SHCBP1: variants seen among roughly 807,000 people sequenced by gnomAD.
The protein encoded by SHCBP1 is SHC binding and spindle associated 1, also known as SHC SH2 domain-binding protein 1.
Under a neutral mutation model 75.1 loss-of-function variants are expected in SHCBP1, and 60 were observed. The observed-to-expected ratio is 0.80, with a 90% CI of 0.65 to 0.99. SHCBP1 has a LOEUF of 0.99. SHCBP1 is among the 50% of genes least tolerant of loss of function. The pLI, the probability that SHCBP1 is intolerant of heterozygous loss-of-function variation, is 0.00. For synonymous variants in SHCBP1, 290 were observed against 293.2 expected (o/e 0.99, Z 0.11); for missense variants, 709 against 809.4 (o/e 0.88, Z 1.50).
rs761730635 is a variant in SHCBP1 at position 46,599,947 on chromosome 16, T to C, written c.1229A>G (p.Asp410Gly). ...GCCCCTCTTTTCTATCACAATGTCATCTGGTAGGCCATATCCTAAGGAAGA... is the reference window on the plus strand; with the variant it reads ...GCCCCTCTTTTCTATCACAATGTCACCTGGTAGGCCATATCCTAAGGAAGA... ...SIELEGYGLP[D>G]DIVIEKRGKG... Residue 410 changes from aspartate to glycine, a missense_variant, in exon 9 of 13, where the codon GAT (aspartate) becomes GGT (glycine). Physicochemically the swap from Asp to Gly is moderately conservative, Grantham distance 94. Transcript: ENST00000303383. The C allele has an allele frequency of 1.2e-6, 2 of 1,613,486 alleles. No homozygotes were observed. The highest frequency in any genetic ancestry group is 1.7e-6 in the Non-Finnish European group (2 of 1,179,788).
rs770532110 is a variant in SHCBP1, at chr16:46,615,948, G to C, written c.594C>G (p.Val198=). Residue 198 remains valine (V), a splice_region_variant and synonymous_variant, in exon 4 of 13, where the codon GTC becomes GTG. Transcript: ENST00000303383. ...TTTTTCTCAACTTCTTTTCCTACCT[G>C]ACATGCTCAATTGCAAGGGCTGTCT... ...FDQTALAIEH[V]RFFYQNIWRS... is the part of the protein sequence containing the mutation. 1 of 1,613,902 alleles carries C rather than the reference G, an allele frequency of 6.2e-7. No homozygotes were observed. The highest frequency in any genetic ancestry group is 1.1e-5 in the South Asian group (1 of 91,076).
chr16:46,583,417 A>AC, intron 12 of SHCBP1, 99 bp downstream of exon 12: 1 of 1,299,602 alleles, frequency 7.7e-7, no homozygotes, highest in African/African-American at 1.5e-5. Flanking sequence ...TATCCCAACA[A>AC]CCTTTTTTAA....
chr16:46,593,464 C>T (rs1010085269), intron 10 of SHCBP1, among the ~76,000 whole-genome samples: 3 of 152,030 alleles, frequency 2.0e-5, no homozygotes, highest in East Asian at 1.9e-4. Context: ...GGTGTGGGGG[C>T]TCATGTTTAT....
chr16:46,590,188 A>C (rs946352360), intron 10 of SHCBP1, among the ~76,000 whole-genome samples: 2 of 152,252 alleles, frequency 1.3e-5, no homozygotes, highest in Non-Finnish European at 2.9e-5. Context: ...TAAAGACTTA[A>C]ATGTTAGACC....
Position 46,599,879 on chromosome 16 carries a change from T to G in SHCBP1, c.1297A>C (p.Ile433Leu). The part of the protein sequence containing the change: ...FVDCTGADIK[I>L]SGIKFVQHDA... The stretch of plus-strand genomic sequence containing the variant: ...TGCTGAACAAATTTTATGCCTGAGA[T>G]TTTAATATCAGCACCAGTGCAGTCC... The change falls in exon 9 of 13, where the codon ATC (isoleucine) becomes CTC (leucine). Residue 433 changes from isoleucine (I) to leucine (L), a missense_variant. By Grantham distance (5) the Ile-to-Leu change is conservative. Transcript: ENST00000303383. The G allele has an allele frequency of 6.2e-7, 1 of 1,612,244 alleles. No homozygotes were observed.
intron 11 of SHCBP1, 63 bp downstream of exon 11, chr16:46,583,940 A>C: frequency 1.5e-6 from 2 of 1,378,936 alleles, no homozygotes; most frequent in Non-Finnish European, 2.0e-6. Context: ...AATTTAATAA[A>C]GCATAATTTG....
rs188265846 is a variant in SHCBP1 at position 46,611,437 on chromosome 16, G to A, written c.597-3048C>T. Reference sequence around the variant, plus strand: ...GCAGGAGGTGCTCCTTATAATTTCCGCTTTGCAAACATTTATTCCTTGATT... The same window carrying A: ...GCAGGAGGTGCTCCTTATAATTTCCACTTTGCAAACATTTATTCCTTGATT... On this transcript the variant is annotated intron_variant, in intron 4 of 12. Transcript: ENST00000303383. 3.7e-3 allele frequency among the ~76,000 whole-genome samples: 559 copies of A among 152,234 alleles called. 7 individuals are homozygous for A. Among genetic ancestry groups the A allele is most frequent in the Admixed American group, 0.032 (484 of 15,282 alleles).
In SHCBP1 at chr16:46,618,262, G is replaced by A; in HGVS notation, c.214C>T (p.Gln72Ter). 1.9e-6 allele frequency: 3 copies of A among 1,613,156 alleles called. No individual in the cohort carries two copies. Among genetic ancestry groups the A allele is most frequent in the Non-Finnish European group, 2.5e-6 (3 of 1,179,724 alleles). Residue 72 changes from glutamine (Q) to a stop codon, truncating the protein, a stop_gained, in exon 2 of 13, where the codon CAA (glutamine) becomes TAA (stop). Transcript: ENST00000303383. LOFTEE classifies it high-confidence loss of function. ...EGKTFFPEIF[Q>*]TNQLLFYERF... ...TCATAGAACAAAAGTTGATTTGTTT[G>A]GAAAATTTCTGGGAAAAAGGTTTTT...
At chr16:46,607,418 C>T (rs920592094) in intron 5 of SHCBP1, among the ~76,000 whole-genome samples, 1 of 152,056 alleles carries the variant, frequency 6.6e-6, no homozygotes, top group African/African-American at 2.4e-5. Flanking sequence ...GTCACCATGC[C>T]GGGCCTCACA....
intron 10 of SHCBP1, chr16:46,584,381 A>G (rs1234079070): frequency 4.4e-6 from 1 of 226,258 alleles, no homozygotes; most frequent in Admixed American, 5.7e-5. Flanking sequence ...CATTCTAGAT[A>G]AATGTTTTCT....
Position 46,583,579 on chromosome 16 carries a change from C to T in SHCBP1, c.1630G>A (p.Val544Ile). 1.2e-6 allele frequency: 2 copies of T among 1,611,730 alleles called. No homozygotes were observed. Among genetic ancestry groups the T allele is most frequent in the South Asian group, 2.2e-5 (2 of 90,220 alleles). ...AAGATTGTAGGTTTCACCAAGACAA[C>T]ACCATAACCTTCATTATTATGTATT... is the stretch of plus-strand genomic sequence containing the variant. ...NIIHNNEGYG[V>I]VLVKPTIFSD... is the part of the protein sequence containing the mutation. Residue 544 changes from valine (V) to isoleucine (I), a missense_variant, in exon 12 of 13, where the codon GTT becomes ATT. Coordinates refer to ENST00000303383, the MANE Select transcript of SHCBP1 (RefSeq NM_024745.5).
chr16:46,607,211 T>C (rs1965339405), intron 5 of SHCBP1, among the ~76,000 whole-genome samples: 1 of 152,036 alleles, frequency 6.6e-6, no homozygotes, highest in Non-Finnish European at 1.5e-5. Context: ...AAAAATTAGC[T>C]CGGTGTGGTG....
rs114156710 is a variant in SHCBP1 at position 46,604,281 on chromosome 16, C to T, written c.870G>A (p.Ser290=). ...ISMVEGLKLY[S]EMEQLKQKLK... ...GCTTTTGTTTCAACTGTTCCATCTC[C>T]GAATACAATTTTAACCCTTCCACCA... The change falls in exon 6 of 13, where the codon TCG becomes TCA. Residue 290 remains serine (S), a synonymous_variant. Coordinates refer to ENST00000303383, the MANE Select transcript of SHCBP1 (RefSeq NM_024745.5). 25 of 1,614,158 alleles carry T rather than the reference C, an allele frequency of 1.5e-5. No individual in the cohort carries two copies. The highest frequency in any genetic ancestry group is 1.1e-4 in the African/African-American group (8 of 75,028).
Position 46,579,642 on chromosome 16 carries a change from A to G in SHCBP1, c.*2087T>C, listed in dbSNP as rs911886315. Among the ~76,000 whole-genome samples the G allele has an allele frequency of 6.6e-6, 1 of 152,130 alleles. No individual in the cohort carries two copies. Among genetic ancestry groups the G allele is most frequent in the South Asian group, 2.1e-4 (1 of 4,826 alleles). On this transcript the variant is annotated 3_prime_UTR_variant, in exon 13 of 13. Coordinates refer to ENST00000303383, the MANE Select transcript of SHCBP1 (RefSeq NM_024745.5). Reference sequence around the variant, plus strand: ...TGGTGAAACCCCATATCTACTAAAAATACAAAAAAAAGGCCAGGCACGTGG... The same window carrying G: ...TGGTGAAACCCCATATCTACTAAAAGTACAAAAAAAAGGCCAGGCACGTGG...
intron 4 of SHCBP1, among the ~76,000 whole-genome samples, chr16:46,613,718 T>G (rs1175924685): frequency 6.6e-6 from 1 of 152,260 alleles, no homozygotes; most frequent in Non-Finnish European, 1.5e-5. Flanking sequence ...TGCAGACATC[T>G]GTGCGTGATT....
In SHCBP1 at chr16:46,604,336, T is replaced by C. The variant is rs1473804082; in HGVS notation, c.815A>G (p.Asn272Ser). ...LNLRSSLSNC[N>S]SDSEQENISM... ...GATATTTTCCTGCTCGGAATCAGAG[T>C]TACAATTTGACAAACTGCTTCTCAG... Residue 272 changes from asparagine to serine, a missense_variant, in exon 6 of 13, where the codon AAC becomes AGC. Transcript: ENST00000303383. 1 of 1,614,200 alleles carries C rather than the reference T, an allele frequency of 6.2e-7. No homozygotes were observed. The highest frequency in any genetic ancestry group is 1.3e-5 in the African/African-American group (1 of 75,056).
At chr16:46,610,541 T>A (rs1965396203) in intron 4 of SHCBP1, among the ~76,000 whole-genome samples, 1 of 130,684 alleles carries the variant, frequency 7.7e-6, no homozygotes, top group Non-Finnish European at 1.6e-5. Flanking sequence ...CCCCATGGGG[T>A]CAATTTTTTT....
At position 46,579,722 on chromosome 16, in the gene SHCBP1, G is replaced by A. The variant is rs1245995125; in HGVS notation, c.*2007C>T. Among the ~76,000 whole-genome samples, 1 of 152,060 alleles carries A rather than the reference G, an allele frequency of 6.6e-6. No individual in the cohort carries two copies. The highest frequency in any genetic ancestry group is 2.4e-5 in the African/African-American group (1 of 41,386). On this transcript the variant is annotated 3_prime_UTR_variant, in exon 13 of 13. Transcript: ENST00000303383. ...GGCCAAGGTGGGTGGATCACTTGAGGTCAGGAGTTTGAGACCAGCCTGGCC... is the reference window on the plus strand; with the variant it reads ...GGCCAAGGTGGGTGGATCACTTGAGATCAGGAGTTTGAGACCAGCCTGGCC...
Position 46,581,541 on chromosome 16 carries a change from T to C in SHCBP1, c.*188A>G. On this transcript the variant is annotated 3_prime_UTR_variant, in exon 13 of 13. Transcript: ENST00000303383. Reference sequence around the variant, plus strand: ...ATATTTTCTATTTTATATGCATTTATGATTTTTCTTATAAAGAGGGAGTGT... The same window carrying C: ...ATATTTTCTATTTTATATGCATTTACGATTTTTCTTATAAAGAGGGAGTGT... The C allele has an allele frequency of 1.8e-6, 1 of 559,916 alleles. No individual in the cohort carries two copies. The highest frequency in any genetic ancestry group is 3.1e-6 in the Non-Finnish European group (1 of 321,980). 34.7% of individuals were successfully genotyped at this position (559,916 alleles called of 1,614,324 possible).
Sources: allele counts gnomAD v4.1 joint callset (sites outside exome capture counted in the v4.1 genomes callset), GRCh38; gene constraint gnomAD v4.1.1; transcripts MANE v1.5; gene names NCBI Gene and HGNC (gene_info 2026-07-23, HGNC 2026-07-21).